Variants in CDH12 observed in about 807,000 individuals in gnomAD.
CDH12 encodes cadherin 12, also known as cadherin-12.
Under a neutral mutation model 74.1 loss-of-function variants are expected in CDH12, and 41 were observed. The ratio of observed to expected loss-of-function variants is 0.55; its 90% CI spans 0.43 to 0.72. The LOEUF (loss-of-function observed/expected upper bound fraction) is 0.72, where lower values mean the gene tolerates loss of function less well. CDH12 is among the 30% of genes least tolerant of loss of function. CDH12 has a pLI of 0.00. For missense variants in CDH12, 945 were observed against 977.2 expected (o/e 0.97, Z 0.44); for synonymous variants, 399 against 355.0 (o/e 1.12, Z -1.39).
chr5:22,807,940 G>A (rs1423659747), intron 1 of CDH12, among the ~76,000 whole-genome samples: 2 of 151,878 alleles, frequency 1.3e-5, no homozygotes, highest in African/African-American at 4.8e-5. Context: ...TTTGTAAACA[G>A]AAACAAAAAA....
intron 10 of CDH12, among the ~76,000 whole-genome samples, chr5:21,787,298 C>T (rs962850641): frequency 1.1e-4 from 16 of 152,124 alleles, no homozygotes; most frequent in Non-Finnish European, 8.8e-5. Context: ...CTACCCCAAC[C>T]TTCAACAACC....
intron 5 of CDH12, among the ~76,000 whole-genome samples, chr5:22,055,870 G>A (rs1740702551): frequency 6.6e-6 from 1 of 151,938 alleles, no homozygotes. Flanking sequence ...CCTATCAGTG[G>A]AGGCAAAACT....
intron 2 of CDH12, among the ~76,000 whole-genome samples, chr5:22,426,080 AG>A (rs1743923347): frequency 6.6e-6 from 1 of 151,656 alleles, no homozygotes. Context: ...CCAGCTACTC[AG>A]GAGGCTGACG....
intron 3 of CDH12, among the ~76,000 whole-genome samples, chr5:22,269,198 T>A (rs1250512780): frequency 6.6e-6 from 1 of 152,194 alleles, no homozygotes; most frequent in Admixed American, 6.6e-5. Context: ...TTTTAATCAA[T>A]ATTATTACCA....
At chr5:22,160,051 T>A (rs770229222) in intron 4 of CDH12, among the ~76,000 whole-genome samples, 28 of 152,148 alleles carry the variant, frequency 1.8e-4, no homozygotes, top group Non-Finnish European at 3.8e-4. Flanking sequence ...AAACTTCACC[T>A]ATCTATTGCA....
intron 5 of CDH12, among the ~76,000 whole-genome samples, chr5:21,993,083 C>T (rs1736045052): frequency 2.0e-5 from 3 of 152,140 alleles, no homozygotes; most frequent in Admixed American, 2.0e-4. Context: ...AGGATCTAAT[C>T]ACCTCCCACT....
intron 5 of CDH12, among the ~76,000 whole-genome samples, chr5:22,058,184 G>A (rs1185362637): frequency 6.6e-6 from 1 of 152,074 alleles, no homozygotes; most frequent in Non-Finnish European, 1.5e-5. Flanking sequence ...AGCCTCCCGA[G>A]TAGCTGGGAT....
At chr5:21,846,059 A>G (rs994891949) in intron 7 of CDH12, among the ~76,000 whole-genome samples, 4 of 152,164 alleles carry the variant, frequency 2.6e-5, no homozygotes, top group Non-Finnish European at 5.9e-5. Context: ...TGTACAGTAA[A>G]GAACTAGGCA....
At chr5:22,489,256 A>C (rs1746750897) in intron 2 of CDH12, among the ~76,000 whole-genome samples, 1 of 150,928 alleles carries the variant, frequency 6.6e-6, no homozygotes, top group African/African-American at 2.4e-5. Flanking sequence ...ACGGGGTTTC[A>C]CCGTGTTAGC....
At chr5:21,782,239 A>G (rs557731819) in intron 11 of CDH12, among the ~76,000 whole-genome samples, 114 of 152,322 alleles carry the variant, frequency 7.5e-4, no homozygotes, top group African/African-American at 2.6e-3. Flanking sequence ...GACTTCTTAC[A>G]TGACACTTTG....
chr5:22,161,495 GAGACCTGCTTGGACAACATAGCA>G (rs1748346728), intron 4 of CDH12, among the ~76,000 whole-genome samples: 1 of 151,964 alleles, frequency 6.6e-6, no homozygotes, highest in African/African-American at 2.4e-5. Context: ...TCAGGAGTTC[GAGACCTGCTTGGACAACATAGCA>G]AGACCCTGTC....
At chr5:22,747,460 CAA>C (rs773289338) in intron 1 of CDH12, among the ~76,000 whole-genome samples, 4 of 60,506 alleles carry the variant, frequency 6.6e-5, no homozygotes, top group African/African-American at 1.1e-4. Flanking sequence ...CCTGTCTGTA[CAA>C]AAAAAAAAAA....
At position 22,314,941 on chromosome 5, in the gene CDH12, C is replaced by CTTTTTTTTTT. The variant is rs759734847; in HGVS notation, c.-333+90306_-333+90315dup. Reference sequence around the variant, plus strand: ...GAAAAGCAGAGGTCCCTGGGTTGGTCTTTTTTTTTTTTTTTTTTTTTTTTT... The same window carrying CTTTTTTTTTT: ...GAAAAGCAGAGGTCCCTGGGTTGGTCTTTTTTTTTTTTTTTTTTTTTTTTTTTTTTTTTTT... On this transcript the variant is annotated intron_variant, in intron 3 of 14. Coordinates refer to ENST00000382254, the MANE Select transcript of CDH12 (RefSeq NM_004061.5). Among the ~76,000 whole-genome samples the CTTTTTTTTTT allele has an allele frequency of 1.7e-3, 115 of 67,754 alleles. 33 individuals carry two copies. Among genetic ancestry groups the CTTTTTTTTTT allele is most frequent in the Admixed American group, 2.6e-3 (11 of 4,182 alleles). 44.4% of individuals were successfully genotyped at this position (67,754 alleles called of 152,430 possible). A position where few individuals can be genotyped will look rare whatever the true frequency, so the allele number is the denominator to read the frequency against.
In CDH12 at chr5:21,909,585, T is replaced by C. The variant is rs910396893; in HGVS notation, c.527-54795A>G. ...TTTCTCAAACCAACTACATTTCACC[T>C]TCTACATAACAGTGATGATAACAGA... On this transcript the variant is annotated intron_variant, in intron 6 of 14. Transcript: ENST00000382254. Among the ~76,000 whole-genome samples the C allele has an allele frequency of 3.3e-5, 5 of 152,150 alleles. No homozygotes were observed. In the East Asian group the frequency reaches 5.8e-4, roughly 18 times the overall value.
At chr5:22,542,721 T>A (rs577986496) in intron 1 of CDH12, among the ~76,000 whole-genome samples, 3 of 152,184 alleles carry the variant, frequency 2.0e-5, no homozygotes, top group South Asian at 4.1e-4. Flanking sequence ...GTGAAAAAAA[T>A]TCTAAAAATA....
intron 6 of CDH12, among the ~76,000 whole-genome samples, chr5:21,888,518 C>G (rs952245920): frequency 6.6e-6 from 1 of 151,872 alleles, no homozygotes; most frequent in Non-Finnish European, 1.5e-5. Context: ...TGCAGCACAC[C>G]AACATGGTAC....
chr5:22,620,238 A>G (rs1737905582), intron 1 of CDH12, among the ~76,000 whole-genome samples: 1 of 152,134 alleles, frequency 6.6e-6, no homozygotes. Context: ...GAAATTAAAT[A>G]TTAAATATTG....
intron 4 of CDH12, among the ~76,000 whole-genome samples, chr5:22,140,943 C>T (rs1025920268): frequency 3.9e-5 from 6 of 152,296 alleles, no homozygotes; most frequent in African/African-American, 1.2e-4. Flanking sequence ...CACTGTTATC[C>T]TCAGCCTGAA....
At chr5:22,413,274 G>A (rs1743236600) in intron 2 of CDH12, among the ~76,000 whole-genome samples, 1 of 151,870 alleles carries the variant, frequency 6.6e-6, no homozygotes. Context: ...AAAGTCCAAA[G>A]GGGAAAAGTA....
Sources: gnomAD v4.1 joint callset for allele counts (sites outside exome capture counted in the v4.1 genomes callset) on GRCh38, gnomAD v4.1.1 for gene constraint, MANE v1.5 for transcripts, NCBI Gene and HGNC (gene_info 2026-07-23, HGNC 2026-07-21) for gene names.